MALRD1: variants seen among roughly 807,000 people sequenced by gnomAD.
MALRD1 encodes MAM and LDL receptor class A domain containing 1.
A neutral mutation model predicts 242.1 loss-of-function variants in MALRD1; 247 were observed. The ratio of observed to expected loss-of-function variants is 1.02; its 90% CI spans 0.92 to 1.13. The LOEUF (loss-of-function observed/expected upper bound fraction) is 1.13, where lower values mean the gene tolerates loss of function less well. Ranked by LOEUF, MALRD1 falls within the 50% of genes most tolerant of loss-of-function variation. The pLI, the probability that MALRD1 is intolerant of heterozygous loss-of-function variation, is 0.00. For missense variants in MALRD1, 2,989 were observed against 2,533.1 expected (o/e 1.18, Z -3.86); for synonymous variants, 995 against 866.6 (o/e 1.15, Z -2.60).
chr10:19,428,188 G>A (rs148836605), intron 28 of MALRD1, among the ~76,000 whole-genome samples: 2 of 151,720 alleles, frequency 1.3e-5, no homozygotes, highest in African/African-American at 4.8e-5. Flanking sequence ...TAGGAGATGG[G>A]TGGATGATCT....
intron 21 of MALRD1, 86 bp downstream of exon 21, chr10:19,283,267 G>C (rs984425479): frequency 4.5e-6 from 5 of 1,121,508 alleles, no homozygotes; most frequent in East Asian, 3.1e-5. Context: ...CCTTATCCTA[G>C]GCCAATGCTA....
rs1365543759 is a variant in MALRD1, at chr10:19,700,933, G to A, written c.6314+8379G>A. ...CAACACTTTGGGAGGCCAAGGTGAGGGATCTTTAGCTCAAGACTACCCTGG... is the reference window on the plus strand; with the variant it reads ...CAACACTTTGGGAGGCCAAGGTGAGAGATCTTTAGCTCAAGACTACCCTGG... On this transcript the variant is annotated intron_variant, in intron 38 of 39. Coordinates refer to ENST00000454679, the MANE Select transcript of MALRD1 (RefSeq NM_001142308.3). Among the ~76,000 whole-genome samples, 4 of 152,030 alleles carry A rather than the reference G, an allele frequency of 2.6e-5. No homozygotes were observed. The East Asian group carries it at 7.7e-4, about 29-fold the overall frequency.
rs1326144062 is a variant in MALRD1 at position 19,368,004 on chromosome 10, A to T, written c.4441+15707A>T. ...TATATGTTTTCCTCATATATTCTGG[A>T]TATTAGTGCTTGGTTGGATGGATAG... On this transcript the variant is annotated intron_variant, in intron 26 of 39. Coordinates refer to ENST00000454679, the MANE Select transcript of MALRD1 (RefSeq NM_001142308.3). 2.0e-5 allele frequency among the ~76,000 whole-genome samples: 3 copies of T among 151,866 alleles called. No individual in the cohort carries two copies. The East Asian group carries it at 5.8e-4, about 29-fold the overall frequency.
chr10:19,266,458 TA>T (rs1234854500), intron 19 of MALRD1, among the ~76,000 whole-genome samples: 1 of 151,916 alleles, frequency 6.6e-6, no homozygotes, highest in Non-Finnish European at 1.5e-5. Context: ...TTTAAGCTGA[TA>T]AAAACTTAAT....
chr10:19,622,009 A>AT (rs1425422949), intron 36 of MALRD1, among the ~76,000 whole-genome samples: 2 of 151,800 alleles, frequency 1.3e-5, no homozygotes, highest in Non-Finnish European at 2.9e-5. Flanking sequence ...AAATTGATGG[A>AT]TTTTTTTAAG....
chr10:19,704,671 A>G (rs1833783409), intron 38 of MALRD1, among the ~76,000 whole-genome samples: 1 of 152,210 alleles, frequency 6.6e-6, no homozygotes, highest in African/African-American at 2.4e-5. Flanking sequence ...ACAAACGTTT[A>G]TTAAGACTTC....
rs138134700 is a variant in MALRD1, at chr10:19,343,760, G to A, written c.3902-4011G>A. On this transcript the variant is annotated intron_variant, in intron 24 of 39. Coordinates refer to ENST00000454679, the MANE Select transcript of MALRD1 (RefSeq NM_001142308.3). ...CCTGGTGCTATTTTCCAGAGCGATT[G>A]CATCGTGTCACACTACCACCAATAA... 2.0e-5 allele frequency among the ~76,000 whole-genome samples: 3 copies of A among 152,186 alleles called. No individual in the cohort carries two copies. The East Asian group carries it at 5.8e-4, about 29-fold the overall frequency.
At chr10:19,368,871 ATGTGTGTGTGTGTGTGTGTTTGTG>A (rs1383450654) in intron 26 of MALRD1, among the ~76,000 whole-genome samples, 2 of 141,852 alleles carry the variant, frequency 1.4e-5, no homozygotes, top group Middle Eastern at 3.6e-3. Flanking sequence ...TGATTTGTGT[ATGTGTGTGTGTGTGTGTGTTTGTG>A]TGTGTGTGTG....
intron 28 of MALRD1, among the ~76,000 whole-genome samples, chr10:19,394,260 A>G (rs1400232662): frequency 2.6e-5 from 4 of 152,144 alleles, no homozygotes; most frequent in Non-Finnish European, 4.4e-5. Flanking sequence ...ACTCTCAGCT[A>G]TTCATTTTAC....
rs557190007 is a variant in MALRD1 at position 19,124,630 on chromosome 10, C to G, written c.903C>G (p.Phe301Leu). The G allele has an allele frequency of 1.4e-4, 170 of 1,233,394 alleles. No individual in the cohort carries two copies. Among genetic ancestry groups the G allele is most frequent in the Non-Finnish European group, 1.6e-4 (161 of 988,092 alleles). The allele number at this position is 1,233,394 out of a possible 1,614,324, so 76.4% of individuals were successfully genotyped here. A position where few individuals can be genotyped will look rare whatever the true frequency, so the allele number is the denominator to read the frequency against. ...CAAAAGCGAGAGAGATCCCTGCATT[C>G]GAATCCACACCTCAGCAGGATCAAG... The part of the protein sequence containing the change: ...MRTKAREIPA[F>L]ESTPQQDQGG... The change falls in exon 7 of 40, where the codon TTC becomes TTG. Residue 301 changes from phenylalanine to leucine, a missense_variant. Transcript: ENST00000454679.
intron 28 of MALRD1, among the ~76,000 whole-genome samples, chr10:19,402,779 C>A (rs1411714524): frequency 6.6e-6 from 1 of 152,084 alleles, no homozygotes; most frequent in East Asian, 1.9e-4. Flanking sequence ...AAATCCATAT[C>A]TTTTTCTACA....
At position 19,706,384 on chromosome 10, in the gene MALRD1, G is replaced by A. The variant is rs1208019455; in HGVS notation, c.6314+13830G>A. On this transcript the variant is annotated intron_variant, in intron 38 of 39. Transcript: ENST00000454679. ...AGGCTAGAGGCTGGATTGAAGTGAA[G>A]TGGTGTGATCTCAGCTCACTGCAAC... 2.0e-5 allele frequency among the ~76,000 whole-genome samples: 3 copies of A among 152,122 alleles called. No homozygotes were observed. In the South Asian group the frequency reaches 6.2e-4, roughly 31 times the overall value.
intron 33 of MALRD1, among the ~76,000 whole-genome samples, chr10:19,579,196 C>T (rs1190142479): frequency 6.6e-6 from 1 of 152,148 alleles, no homozygotes; most frequent in Non-Finnish European, 1.5e-5. Context: ...TATTTGATTG[C>T]ATCATAAAGT....
At chr10:19,336,089 T>C (rs1843601065) in intron 24 of MALRD1, among the ~76,000 whole-genome samples, 1 of 152,204 alleles carries the variant, frequency 6.6e-6, no homozygotes, top group Non-Finnish European at 1.5e-5. Flanking sequence ...GCTTTAATTA[T>C]CTGTATATCA....
intron 10 of MALRD1, among the ~76,000 whole-genome samples, chr10:19,145,653 T>TA (rs71507276): frequency 0.075 from 10,035 of 134,518 alleles, 426 homozygotes; most frequent in Middle Eastern, 0.12. Context: ...GACTCTGCCT[T>TA]AAAAAAAAAA....
chr10:19,581,716 G>A (rs1216004401), intron 33 of MALRD1, among the ~76,000 whole-genome samples: 8 of 149,948 alleles, frequency 5.3e-5, no homozygotes, highest in African/African-American at 7.4e-5. Flanking sequence ...ATGATTTATA[G>A]TCCTTTGGGT....
chr10:19,454,405 G>GAGATATATATATATATAT (rs1554775338), intron 29 of MALRD1, among the ~76,000 whole-genome samples: 2 of 80,558 alleles, frequency 2.5e-5, no homozygotes, highest in African/African-American at 1.1e-4. Context: ...TTATGCATAT[G>GAGATATATATATATATAT]ATATATATAT....
Position 19,206,644 on chromosome 10 carries a change from T to C in MALRD1, c.2578+1379T>C, listed in dbSNP as rs1398897950. Among the ~76,000 whole-genome samples the C allele has an allele frequency of 2.6e-5, 4 of 152,288 alleles. No homozygotes were observed. The East Asian group carries it at 5.8e-4, about 22-fold the overall frequency. ...AGAATGTCGGTTTCTCACACGGCTT[T>C]CCATCAAGGCATATTACTTCATGAC... is the stretch of plus-strand genomic sequence containing the variant. On this transcript the variant is annotated intron_variant, in intron 17 of 39. Coordinates refer to ENST00000454679, the MANE Select transcript of MALRD1 (RefSeq NM_001142308.3).
At chr10:19,656,351 A>T (rs1019191784) in intron 36 of MALRD1, among the ~76,000 whole-genome samples, 4 of 152,182 alleles carry the variant, frequency 2.6e-5, no homozygotes, top group Admixed American at 1.3e-4. Context: ...TATTTACAAT[A>T]GCCTATATAT....
Sources: gnomAD v4.1 joint callset for allele counts (sites outside exome capture counted in the v4.1 genomes callset) on GRCh38, gnomAD v4.1.1 for gene constraint, MANE v1.5 for transcripts, NCBI Gene and HGNC (gene_info 2026-07-23, HGNC 2026-07-21) for gene names.